Variants in DDX31 observed in about 807,000 individuals in gnomAD.
DDX31 encodes DEAD-box helicase 31.
DDX31 carries 70 observed loss-of-function variants against 91.3 expected under a neutral mutation model. The observed-to-expected ratio is 0.77, with a 90% CI of 0.63 to 0.94. The LOEUF (loss-of-function observed/expected upper bound fraction) is 0.94. Ranked by LOEUF, DDX31 falls within the 40% of genes least tolerant of loss-of-function variation. The pLI is 0.00. For synonymous variants in DDX31, 362 were observed against 350.6 expected, an observed-to-expected ratio of 1.03 and a Z score of -0.36; for missense variants, 902 against 925.0, an observed-to-expected ratio of 0.98 and a Z score of 0.32.
chr9:132,615,582 C>A (rs1013370665), intron 18 of DDX31, among the ~76,000 whole-genome samples: 1 of 152,228 alleles, frequency 6.6e-6, no homozygotes, highest in African/African-American at 2.4e-5. Context: ...CTTTGAGAAG[C>A]ATCCCTTCCA....
intron 19 of DDX31, among the ~76,000 whole-genome samples, chr9:132,601,645 G>A (rs931955220): frequency 6.6e-6 from 1 of 152,140 alleles, no homozygotes; most frequent in African/African-American, 2.4e-5. Context: ...ATACTTTCAC[G>A]AACCAGACTT....
At position 132,630,341 on chromosome 9, in the gene DDX31, G is replaced by A. The variant is rs865902634; in HGVS notation, c.1554C>T (p.Gly518=). 1 of 1,604,374 alleles carries A rather than the reference G, an allele frequency of 6.2e-7. No individual in the cohort carries two copies. Among genetic ancestry groups the A allele is most frequent in the Non-Finnish European group, 8.5e-7 (1 of 1,172,048 alleles). ...AAATGAGCAGGCTGCTCCCATGGCA[G>A]CCAATCCGGGCGGTTCTTCCAATCC... ...IHRIGRTARI[G]CHGSSLLILA... is the part of the protein sequence containing the mutation. The change falls in exon 16 of 20, where the codon GGC becomes GGT. Residue 518 remains glycine (G), a synonymous_variant. Transcript: ENST00000372159.
intron 14 of DDX31, among the ~76,000 whole-genome samples, chr9:132,637,539 C>T (rs751317119): frequency 1.3e-5 from 2 of 152,190 alleles, no homozygotes; most frequent in Non-Finnish European, 2.9e-5. Context: ...GGGGGCCTGC[C>T]GTCTCTCTGA....
intron 14 of DDX31, chr9:132,638,378 A>G: frequency 6.2e-7 from 1 of 1,614,106 alleles, no homozygotes; most frequent in Non-Finnish European, 8.5e-7. Flanking sequence ...AAGTAGGAGG[A>G]AATAACATTT....
chr9:132,625,212 C>G (rs1026413400), intron 17 of DDX31, among the ~76,000 whole-genome samples: 17 of 152,214 alleles, frequency 1.1e-4, no homozygotes, highest in African/African-American at 3.9e-4. Context: ...TACTCTTCCT[C>G]TGTGGATAGC....
chr9:132,629,136 G>A (rs1038144553), intron 16 of DDX31, among the ~76,000 whole-genome samples: 16 of 152,204 alleles, frequency 1.1e-4, no homozygotes. Context: ...AGCGCTGGGT[G>A]AAAAGTGACT....
At chr9:132,623,328 C>T (rs961945198) in intron 17 of DDX31, among the ~76,000 whole-genome samples, 10 of 151,782 alleles carry the variant, frequency 6.6e-5, no homozygotes, top group East Asian at 1.9e-4. Context: ...GAGGCTGAGG[C>T]GGGCGGATCA....
chr9:132,650,157 A>T, intron 9 of DDX31, 77 bp downstream of exon 9: 1 of 1,418,864 alleles, frequency 7.0e-7, no homozygotes, highest in Non-Finnish European at 1.0e-6. Context: ...CAGCAGGTTT[A>T]GAAGGACCCA....
chr9:132,597,984 A>G (rs1302681029), intron 19 of DDX31, among the ~76,000 whole-genome samples: 2 of 152,030 alleles, frequency 1.3e-5, no homozygotes, highest in African/African-American at 4.8e-5. Flanking sequence ...TGGCTATTTC[A>G]TCATGTTAGT....
chr9:132,650,191 A>G (rs781516080), intron 9 of DDX31, 43 bp downstream of exon 9: 2 of 1,583,734 alleles, frequency 1.3e-6, no homozygotes, highest in Admixed American at 1.7e-5. Context: ...GGAAGGCAGG[A>G]CACATTCAAG....
intron 14 of DDX31, chr9:132,638,156 C>T: frequency 7.2e-7 from 1 of 1,386,086 alleles, no homozygotes; most frequent in South Asian, 1.7e-5. Context: ...GGTATCTTTC[C>T]TTTCTGGGAA....
chr9:132,643,297 T>C (rs1237672224), intron 13 of DDX31, among the ~76,000 whole-genome samples: 1 of 152,224 alleles, frequency 6.6e-6, no homozygotes. Context: ...CTGAGTGCTC[T>C]TCAGTCATGA....
rs1028456488 is a variant in DDX31, at chr9:132,593,834, G to A, written c.*1032C>T. ...CACAGAGGGCGGCACAGTCACTGCA[G>A]AGGAGAAGGAAACTGAGAAGGCAAG... On this transcript the variant is annotated 3_prime_UTR_variant, in exon 20 of 20. Coordinates refer to ENST00000372159, the MANE Select transcript of DDX31 (RefSeq NM_022779.9). 9 of 152,514 alleles carry A rather than the reference G, an allele frequency of 5.9e-5. No homozygotes were observed. Among genetic ancestry groups the A allele is most frequent in the African/African-American group, 1.9e-4 (8 of 41,430 alleles). 9.4% of individuals were successfully genotyped at this position (152,514 alleles called of 1,614,324 possible).
chr9:132,648,487 T>G lies in DDX31; in HGVS notation c.805A>C (p.Thr269Pro). 1 of 1,614,114 alleles carries G rather than the reference T, an allele frequency of 6.2e-7. No individual in the cohort carries two copies. The highest frequency in any genetic ancestry group is 8.5e-7 in the Non-Finnish European group (1 of 1,180,000). Residue 269 changes from threonine to proline, a missense_variant, in exon 10 of 20, where the codon ACA becomes CCA. Coordinates refer to ENST00000372159, the MANE Select transcript of DDX31 (RefSeq NM_022779.9). ...AGCCGACTAAAATGAATGTTCTTTG[T>G]GGATTTTATATGATCCACCAGGCGT... ...PGRLVDHIKS[T>P]KNIHFSRLRW...
chr9:132,619,053 C>T (rs1211747381), intron 17 of DDX31, among the ~76,000 whole-genome samples: 1 of 152,166 alleles, frequency 6.6e-6, no homozygotes, highest in Non-Finnish European at 1.5e-5. Flanking sequence ...GGACAACACA[C>T]TCAAAGACTG....
intron 16 of DDX31, among the ~76,000 whole-genome samples, chr9:132,627,310 C>A (rs1366811190): frequency 6.6e-6 from 1 of 152,116 alleles, no homozygotes; most frequent in Non-Finnish European, 1.5e-5. Context: ...CACATGGCGA[C>A]GTCGGGGAAC....
intron 4 of DDX31, 38 bp from the exon 5 acceptor site, chr9:132,659,818 T>C: frequency 6.3e-7 from 1 of 1,596,512 alleles, no homozygotes; most frequent in Non-Finnish European, 8.6e-7. Flanking sequence ...TTTACCTATA[T>C]TACCCAGTTA....
At chr9:132,662,816 A>G in intron 1 of DDX31, 121 bp from the exon 2 acceptor site, 1 of 1,313,260 alleles carries the variant, frequency 7.6e-7, no homozygotes, top group Non-Finnish European at 1.0e-6. Flanking sequence ...ATTATGCCCC[A>G]TATGTCAAGC....
At chr9:132,607,486 C>G (rs1323210447) in intron 19 of DDX31, among the ~76,000 whole-genome samples, 1 of 152,154 alleles carries the variant, frequency 6.6e-6, no homozygotes, top group African/African-American at 2.4e-5. Flanking sequence ...TTTCTAAGCT[C>G]TAAGAACAAC....
Sources: gnomAD v4.1 joint callset for allele counts (sites outside exome capture counted in the v4.1 genomes callset) on GRCh38, gnomAD v4.1.1 for gene constraint, MANE v1.5 for transcripts, NCBI Gene and HGNC (gene_info 2026-07-23, HGNC 2026-07-21) for gene names.